PXDNL: variants seen among roughly 807,000 people sequenced by gnomAD.
PXDNL encodes probable oxidoreductase PXDNL.
A neutral mutation model predicts 150.8 loss-of-function variants in PXDNL; 145 were observed. The ratio of observed to expected loss-of-function variants is 0.96; its 90% CI spans 0.84 to 1.10. The LOEUF is 1.10. PXDNL is among the 50% of genes least tolerant of loss of function. The pLI, the probability that PXDNL is intolerant of heterozygous loss-of-function variation, is 0.00. For missense variants in PXDNL, 2,087 were observed against 1,873.9 expected (o/e 1.11, Z -2.10); for synonymous variants, 757 against 725.7 (o/e 1.04, Z -0.69).
chr8:51,685,736 A>T (rs560436754), intron 1 of PXDNL, among the ~76,000 whole-genome samples: 1 of 152,134 alleles, frequency 6.6e-6, no homozygotes, highest in African/African-American at 2.4e-5. Flanking sequence ...TCAGAACCTC[A>T]TCTCCCTTAT....
chr8:51,469,147 A>AT (rs1299131315), intron 8 of PXDNL, among the ~76,000 whole-genome samples: 1 of 151,930 alleles, frequency 6.6e-6, no homozygotes, highest in East Asian at 1.9e-4. Context: ...GAAATCAGTT[A>AT]TTTTTCCTTA....
At chr8:51,506,281 G>A (rs920445061) in intron 4 of PXDNL, among the ~76,000 whole-genome samples, 1 of 152,196 alleles carries the variant, frequency 6.6e-6, no homozygotes, top group Non-Finnish European at 1.5e-5. Flanking sequence ...AGTGGCTCAC[G>A]CCTATAATCC....
chr8:51,662,114 C>G (rs892935632), intron 1 of PXDNL, among the ~76,000 whole-genome samples: 1 of 152,208 alleles, frequency 6.6e-6, no homozygotes, highest in African/African-American at 2.4e-5. Context: ...TGCTAAAGTG[C>G]TTGTTCACAA....
At chr8:51,441,084 A>G (rs1809534948) in intron 12 of PXDNL, among the ~76,000 whole-genome samples, 1 of 152,140 alleles carries the variant, frequency 6.6e-6, no homozygotes, top group African/African-American at 2.4e-5. Context: ...TAATTGAATC[A>G]TGGGGGTGGT....
chr8:51,618,126 A>G (rs1183137453), intron 2 of PXDNL, among the ~76,000 whole-genome samples: 2 of 152,254 alleles, frequency 1.3e-5, no homozygotes, highest in East Asian at 1.9e-4. Flanking sequence ...ACCTCGCCAC[A>G]CAAGCTGCCA....
At chr8:51,769,991 G>A (rs558583367) in intron 1 of PXDNL, among the ~76,000 whole-genome samples, 1 of 152,124 alleles carries the variant, frequency 6.6e-6, no homozygotes, top group Non-Finnish European at 1.5e-5. Context: ...TCAGATCATG[G>A]TAATGCTATT....
chr8:51,802,459 T>C (rs573926237), intron 1 of PXDNL, among the ~76,000 whole-genome samples: 1 of 152,292 alleles, frequency 6.6e-6, no homozygotes, highest in South Asian at 2.1e-4. Flanking sequence ...TCTTGAAACA[T>C]TATGAGATTT....
At chr8:51,455,146 A>AAAAAAAAAAAAGAG in intron 9 of PXDNL, among the ~76,000 whole-genome samples, 3 of 149,058 alleles carry the variant, frequency 2.0e-5, no homozygotes, top group African/African-American at 7.4e-5. Flanking sequence ...GGTAAGGGAA[A>AAAAAAAAAAAAGAG]GTATAGGGAA....
rs1284889975 is a variant in PXDNL, at chr8:51,408,807, G to A, written c.2817C>T (p.Gly939=). The change falls in exon 17 of 23, where the codon GGC becomes GGT. Residue 939 remains glycine, a synonymous_variant. Coordinates refer to ENST00000356297, the MANE Select transcript of PXDNL (RefSeq NM_144651.5). ...SGKPLLPFST[G]PPTECARQEQ... ...CCTGTCGCGCGCACTCGGTGGGTGG[G>A]CCTGTAGAAAAGGGCAATAAGGGCT... 3 of 1,569,790 alleles carry A rather than the reference G, an allele frequency of 1.9e-6. No individual in the cohort carries two copies. In the East Asian group the frequency reaches 6.7e-5, roughly 35 times the overall value.
At chr8:51,446,042 T>C (rs181125955) in intron 12 of PXDNL, among the ~76,000 whole-genome samples, 10 of 151,836 alleles carry the variant, frequency 6.6e-5, no homozygotes, top group Admixed American at 6.6e-4. Context: ...ACTTCTTTTT[T>C]AAAAAAAACA....
intron 4 of PXDNL, among the ~76,000 whole-genome samples, chr8:51,527,696 T>C (rs895946679): frequency 2.0e-5 from 3 of 152,162 alleles, no homozygotes; most frequent in Non-Finnish European, 4.4e-5. Context: ...ATAATCCTTA[T>C]AACCTACATG....
chr8:51,409,170 C>A lies in PXDNL; in HGVS notation c.2454G>T (p.Val818=). The A allele has an allele frequency of 6.3e-7, 1 of 1,599,286 alleles. No homozygotes were observed. Residue 818 remains valine, a synonymous_variant, in exon 17 of 23, where the codon GTG becomes GTT. Transcript: ENST00000356297. ...WFLEHDLDHT[V]PALSTARFSD... ...AGAAGCGGGCTGTGCTCAGCGCAGGCACTGTGTGGTCCAAGTCGTGCTCTA... is the reference window on the plus strand; with the variant it reads ...AGAAGCGGGCTGTGCTCAGCGCAGGAACTGTGTGGTCCAAGTCGTGCTCTA...
rs1347814972 is a variant in PXDNL, at chr8:51,762,683, T to C, written c.164+46498A>G. On this transcript the variant is annotated intron_variant, in intron 1 of 22. Coordinates refer to ENST00000356297, the MANE Select transcript of PXDNL (RefSeq NM_144651.5). ...CAATGTATTTATTAAATGTATTTGA[T>C]TGATGTCTCATGTCTTCCTAAGATA... Among the ~76,000 whole-genome samples, 6 of 152,206 alleles carry C rather than the reference T, an allele frequency of 3.9e-5. No individual in the cohort carries two copies. The South Asian group carries it at 1.0e-3, about 26-fold the overall frequency.
At chr8:51,741,639 A>T (rs529748315) in intron 1 of PXDNL, among the ~76,000 whole-genome samples, 3 of 152,364 alleles carry the variant, frequency 2.0e-5, no homozygotes, top group Non-Finnish European at 4.4e-5. Context: ...GGAGAAGCAG[A>T]CATATAGGTC....
chr8:51,485,804 T>C (rs769860205), intron 5 of PXDNL, among the ~76,000 whole-genome samples: 4 of 152,208 alleles, frequency 2.6e-5, no homozygotes, highest in Non-Finnish European at 5.9e-5. Context: ...TTGCCATGCT[T>C]TAACAAGTAT....
intron 3 of PXDNL, among the ~76,000 whole-genome samples, chr8:51,565,942 G>T (rs960251137): frequency 9.9e-5 from 15 of 151,456 alleles, no homozygotes; most frequent in Non-Finnish European, 2.1e-4. Context: ...AGCCATAGGG[G>T]TTTTTTTTGG....
chr8:51,356,834 C>T (rs1563371817), intron 19 of PXDNL, among the ~76,000 whole-genome samples: 1 of 152,162 alleles, frequency 6.6e-6, no homozygotes, highest in Non-Finnish European at 1.5e-5. Context: ...ACCAGCTACG[C>T]CTCTGTCGGA....
rs1215404582 is a variant in PXDNL, at chr8:51,408,081, T to A, written c.3543A>T (p.Arg1181Ser). 6.2e-7 allele frequency: 1 copy of A among 1,604,628 alleles called. No homozygotes were observed. Among genetic ancestry groups the A allele is most frequent in the Non-Finnish European group, 8.5e-7 (1 of 1,176,856 alleles). ...TGCATACTTACTTTCTCAGTTTTTG[T>A]CTAATCTCTGAATCTTTAATTTCAT... ...LQNEIKDSEI[R>S]QKLRKLYGSP... Residue 1181 changes from arginine to serine, a missense_variant, in exon 17 of 23, where the codon AGA (arginine) becomes AGT (serine). Transcript: ENST00000356297.
intron 1 of PXDNL, among the ~76,000 whole-genome samples, chr8:51,752,550 G>GCCA (rs2037056929): frequency 6.6e-6 from 1 of 151,872 alleles, no homozygotes; most frequent in Admixed American, 6.6e-5. Context: ...GCCACAGAAG[G>GCCA]GCTATTTAAT....
Sources: gnomAD v4.1 joint callset for allele counts (sites outside exome capture counted in the v4.1 genomes callset) on GRCh38, gnomAD v4.1.1 for gene constraint, MANE v1.5 for transcripts, NCBI Gene and HGNC (gene_info 2026-07-23, HGNC 2026-07-21) for gene names.